TMEM217B: variants seen among roughly 807,000 people sequenced by gnomAD.
TMEM217B encodes putative transmembrane protein 217B.
chr6:37,212,831 C>T, the TMEM217B span: 1 of 1,055,370 alleles, frequency 9.5e-7, no homozygotes, highest in East Asian at 2.6e-5. Context: ...GTGACTAGCT[C>T]CGACTTTGAG....
chr6:37,214,527 A>G, the TMEM217B span, among the ~76,000 whole-genome samples: 2 of 151,848 alleles, frequency 1.3e-5, no homozygotes, highest in African/African-American at 4.8e-5. Flanking sequence ...ATGCCTGGCC[A>G]TCTTCAGAAC....
the TMEM217B span, among the ~76,000 whole-genome samples, chr6:37,249,952 T>A: frequency 2.5e-3 from 387 of 152,218 alleles, 7 homozygotes; most frequent in Non-Finnish European, 1.4e-3. Flanking sequence ...AAGACACACA[T>A]AAGAAAGTTT....
At chr6:37,258,125 A>G in the TMEM217B span, 1 of 860,686 alleles carries the variant, frequency 1.2e-6, no homozygotes, top group Non-Finnish European at 1.7e-6. Flanking sequence ...GCTGTCAGGC[A>G]GCGAAGCGAA....
chr6:37,220,821 T>G, the TMEM217B span, among the ~76,000 whole-genome samples: 2 of 152,136 alleles, frequency 1.3e-5, no homozygotes, highest in African/African-American at 2.4e-5. Flanking sequence ...AAACAACAGA[T>G]AGCAATGGAA....
At chr6:37,216,653 G>A in the TMEM217B span, among the ~76,000 whole-genome samples, 3 of 152,152 alleles carry the variant, frequency 2.0e-5, no homozygotes, top group Non-Finnish European at 4.4e-5. Context: ...CAATGACAAG[G>A]ACAGCTTGCC....
chr6:37,239,519 T>C, the TMEM217B span, among the ~76,000 whole-genome samples: 1 of 151,934 alleles, frequency 6.6e-6, no homozygotes, highest in Non-Finnish European at 1.5e-5. Context: ...TAAATAAAAT[T>C]CTAAGATATG....
At chr6:37,222,551 C>T in the TMEM217B span, among the ~76,000 whole-genome samples, 1 of 152,210 alleles carries the variant, frequency 6.6e-6, no homozygotes, top group Non-Finnish European at 1.5e-5. Context: ...TTGTCCCTGG[C>T]TCCTGCCTGC....
chr6:37,243,595 T>C, the TMEM217B span, among the ~76,000 whole-genome samples: 1 of 151,758 alleles, frequency 6.6e-6, no homozygotes, highest in African/African-American at 2.4e-5. Context: ...GAGGTTAGGG[T>C]TTTGTTTTGT....
the TMEM217B span, among the ~76,000 whole-genome samples, chr6:37,235,513 C>T: frequency 1.8e-4 from 27 of 152,174 alleles, no homozygotes; most frequent in South Asian, 5.0e-3. Context: ...CTACAGGCAC[C>T]CGCCACCACG....
chr6:37,227,434 C>T, the TMEM217B span, among the ~76,000 whole-genome samples: 11 of 152,128 alleles, frequency 7.2e-5, no homozygotes, highest in African/African-American at 2.4e-5. Context: ...TTGCTCTAAG[C>T]GAAGGTTTTT....
At chr6:37,234,523 G>A in the TMEM217B span, among the ~76,000 whole-genome samples, 8 of 152,150 alleles carry the variant, frequency 5.3e-5, no homozygotes, top group Admixed American at 3.3e-4. Context: ...CACTAGTGAT[G>A]ATACAGTTAA....
chr6:37,218,966 G>A, the TMEM217B span: 1 of 1,614,178 alleles, frequency 6.2e-7, no homozygotes, highest in African/African-American at 1.3e-5. Context: ...GGCCATGATG[G>A]TGAAGACCCC....
At chr6:37,212,537 A>G in the TMEM217B span, 1 of 458,668 alleles carries the variant, frequency 2.2e-6, no homozygotes, top group South Asian at 1.5e-5. Flanking sequence ...TAAAGGTTGT[A>G]TGCATGCTTG....
the TMEM217B span, among the ~76,000 whole-genome samples, chr6:37,216,034 A>T: frequency 0.12 from 16,426 of 139,320 alleles, 1,048 homozygotes; most frequent in Non-Finnish European, 0.16. Context: ...TGTGTGTGTG[A>T]GAAACAGATA....
At chr6:37,256,408 A>T in the TMEM217B span, among the ~76,000 whole-genome samples, 1 of 152,206 alleles carries the variant, frequency 6.6e-6, no homozygotes, top group East Asian at 1.9e-4. Context: ...CTTAGTGTGC[A>T]GTGCTGGTCA....
chr6:37,224,050 C>A, the TMEM217B span, among the ~76,000 whole-genome samples: 1 of 151,832 alleles, frequency 6.6e-6, no homozygotes, highest in African/African-American at 2.4e-5. Flanking sequence ...GATTCTCCTG[C>A]CTCAGCCTCC....
At chr6:37,251,487 C>T in the TMEM217B span, among the ~76,000 whole-genome samples, 4 of 152,112 alleles carry the variant, frequency 2.6e-5, no homozygotes, top group Admixed American at 6.5e-5. Context: ...CATAAGGGAA[C>T]GATATATTGC....
chr6:37,233,830 G>A, the TMEM217B span, among the ~76,000 whole-genome samples: 3 of 152,032 alleles, frequency 2.0e-5, no homozygotes, highest in Non-Finnish European at 4.4e-5. Flanking sequence ...TCGATGGTTC[G>A]ACTTAAATTT....
the TMEM217B span, among the ~76,000 whole-genome samples, chr6:37,219,197 A>T: frequency 6.6e-6 from 1 of 152,200 alleles, no homozygotes; most frequent in African/African-American, 2.4e-5. Context: ...AGGCTGTTTA[A>T]AATAGATTGG....
Sources: allele counts gnomAD v4.1 joint callset (sites outside exome capture counted in the v4.1 genomes callset), GRCh38; gene constraint gnomAD v4.1.1; transcripts MANE v1.5; gene names NCBI Gene and HGNC (gene_info 2026-07-23, HGNC 2026-07-21).